Variants in FRMD4B observed in about 807,000 individuals in gnomAD.
FRMD4B encodes FERM domain-containing protein 4B.
A neutral mutation model predicts 141.5 loss-of-function variants in FRMD4B; 74 were observed. The ratio of observed to expected loss-of-function variants is 0.52; its 90% CI spans 0.43 to 0.63. The LOEUF is 0.63. Among genes scored for constraint, FRMD4B ranks in the 30% least tolerant of loss-of-function variants. The pLI is 0.00. For synonymous variants in FRMD4B, 506 were observed against 467.9 expected (o/e 1.08, Z -1.05); for missense variants, 1,366 against 1,253.4 (o/e 1.09, Z -1.36).
At chr3:69,508,605 A>C (rs984250859) in intron 1 of FRMD4B, among the ~76,000 whole-genome samples, 1 of 152,226 alleles carries the variant, frequency 6.6e-6, no homozygotes, top group Non-Finnish European at 1.5e-5. Context: ...TTGGTCATCC[A>C]CCTGCCCAGA....
At chr3:69,239,781 G>T (rs2093368773) in intron 7 of FRMD4B, among the ~76,000 whole-genome samples, 1 of 152,080 alleles carries the variant, frequency 6.6e-6, no homozygotes, top group African/African-American at 2.4e-5. Flanking sequence ...ACACGTCCAG[G>T]CGTGGTGGCT....
At chr3:69,391,716 T>C (rs1203157251) in intron 2 of FRMD4B, among the ~76,000 whole-genome samples, 2 of 152,292 alleles carry the variant, frequency 1.3e-5, no homozygotes, top group African/African-American at 4.8e-5. Context: ...TCAGCTCACT[T>C]TTCTCTATTA....
At chr3:69,363,159 G>A (rs780029360) in intron 1 of FRMD4B, among the ~76,000 whole-genome samples, 3 of 150,676 alleles carry the variant, frequency 2.0e-5, no homozygotes, top group Admixed American at 6.6e-5. Context: ...TTCTTCTTAC[G>A]TAACATTCCC....
chr3:69,492,047 G>C (rs1438181659), intron 1 of FRMD4B, among the ~76,000 whole-genome samples: 2 of 152,168 alleles, frequency 1.3e-5, no homozygotes, highest in African/African-American at 4.8e-5. Flanking sequence ...CTTATCATAG[G>C]CTCTAGTCTT....
At chr3:69,483,883 A>T (rs1706170682) in intron 1 of FRMD4B, among the ~76,000 whole-genome samples, 1 of 152,204 alleles carries the variant, frequency 6.6e-6, no homozygotes, top group Non-Finnish European at 1.5e-5. Context: ...ACATTCAACA[A>T]ATAAATAATG....
At position 69,253,257 on chromosome 3, in the gene FRMD4B, C is replaced by T. The variant is rs192022135; in HGVS notation, c.502-3158G>A. Among the ~76,000 whole-genome samples the T allele has an allele frequency of 2.6e-4, 38 of 148,694 alleles. No homozygotes were observed. In the East Asian group the frequency reaches 7.3e-3, roughly 29 times the overall value. On this transcript the variant is annotated intron_variant, in intron 5 of 22. Coordinates refer to ENST00000398540, the MANE Select transcript of FRMD4B (RefSeq NM_015123.3). Reference sequence around the variant, plus strand: ...GGAAGATGAAGTGTAATGTCCAATCCCCTTGAACATGGCAACTCTGGACTC... The same window carrying T: ...GGAAGATGAAGTGTAATGTCCAATCTCCTTGAACATGGCAACTCTGGACTC...
intron 2 of FRMD4B, among the ~76,000 whole-genome samples, chr3:69,407,328 C>G (rs751321552): frequency 6.6e-6 from 1 of 152,034 alleles, no homozygotes. Flanking sequence ...TAAAGGCGAG[C>G]GTTAGATGGG....
chr3:69,336,902 C>T (rs543834395), intron 1 of FRMD4B, among the ~76,000 whole-genome samples: 4 of 152,260 alleles, frequency 2.6e-5, no homozygotes, highest in East Asian at 3.9e-4. Context: ...CAAGATCATG[C>T]CACTACACTC....
intron 5 of FRMD4B, among the ~76,000 whole-genome samples, chr3:69,267,330 C>T (rs1336579216): frequency 6.6e-6 from 1 of 151,900 alleles, no homozygotes; most frequent in Non-Finnish European, 1.5e-5. Flanking sequence ...AGAGTTATAC[C>T]CACTAAATGC....
chr3:69,197,078 G>A (rs754482939), intron 12 of FRMD4B, 40 bp from the exon 13 acceptor site: 4 of 1,571,764 alleles, frequency 2.5e-6, no homozygotes, highest in Non-Finnish European at 3.5e-6. Context: ...TTCCCCTCTG[G>A]CCCAGCATGA....
At chr3:69,292,402 T>C (rs912820337) in intron 4 of FRMD4B, among the ~76,000 whole-genome samples, 1 of 152,224 alleles carries the variant, frequency 6.6e-6, no homozygotes, top group African/African-American at 2.4e-5. Context: ...CGCATACAGG[T>C]TGCTGGGTAG....
At chr3:69,205,924 T>C (rs1454601657) in intron 11 of FRMD4B, among the ~76,000 whole-genome samples, 1 of 152,240 alleles carries the variant, frequency 6.6e-6, no homozygotes, top group Non-Finnish European at 1.5e-5. Flanking sequence ...ATGCAAATGC[T>C]ACCCACTAGA....
chr3:69,477,041 T>C (rs1706014312), intron 1 of FRMD4B, among the ~76,000 whole-genome samples: 2 of 152,216 alleles, frequency 1.3e-5, no homozygotes, highest in African/African-American at 2.4e-5. Context: ...TTGTGATTTT[T>C]GTACATTGAT....
At chr3:69,472,159 G>C (rs1476813505) in intron 1 of FRMD4B, 1 of 244,312 alleles carries the variant, frequency 4.1e-6, no homozygotes, top group Non-Finnish European at 8.8e-6. Flanking sequence ...AATTTCTAGA[G>C]TAACTTCACT....
intron 7 of FRMD4B, among the ~76,000 whole-genome samples, chr3:69,229,028 T>TTG (rs1553705711): frequency 4.0e-5 from 6 of 149,700 alleles, no homozygotes; most frequent in East Asian, 2.0e-4. Flanking sequence ...TTTTTTTTTT[T>TTG]TTTTGTTTTG....
In FRMD4B at chr3:69,409,339, A is replaced by G. The variant is rs193137563; in HGVS notation, c.-1+23295T>C. On this transcript the variant is annotated intron_variant, in intron 2 of 5. Transcript: ENST00000459638. ...TCCAACAAGAATTCATTTCAATTGGAAACTCATACAACCAGGAGATTCCTA... is the reference window on the plus strand; with the variant it reads ...TCCAACAAGAATTCATTTCAATTGGGAACTCATACAACCAGGAGATTCCTA... Among the ~76,000 whole-genome samples, 11 of 152,336 alleles carry G rather than the reference A, an allele frequency of 7.2e-5. No homozygotes were observed. In the East Asian group the frequency reaches 1.9e-3, roughly 27 times the overall value.
chr3:69,512,020 T>C (rs1706697886), intron 1 of FRMD4B, among the ~76,000 whole-genome samples: 1 of 152,112 alleles, frequency 6.6e-6, no homozygotes, highest in Non-Finnish European at 1.5e-5. Flanking sequence ...ACATTCCACA[T>C]ACAGAAATTA....
intron 1 of FRMD4B, among the ~76,000 whole-genome samples, chr3:69,502,979 A>T (rs1223181369): frequency 1.3e-5 from 2 of 152,212 alleles, no homozygotes; most frequent in South Asian, 2.1e-4. Context: ...TCAAAACCAC[A>T]ATGAGACAGC....
chr3:69,386,089 G>A, upstream of FRMD4B: 2 of 1,100,928 alleles, frequency 1.8e-6, no homozygotes, highest in South Asian at 1.9e-5. Context: ...GGCTTCTGCT[G>A]GCAGCCGGGG....
Sources: allele counts gnomAD v4.1 joint callset (sites outside exome capture counted in the v4.1 genomes callset), GRCh38; gene constraint gnomAD v4.1.1; transcripts MANE v1.5; gene names NCBI Gene and HGNC (gene_info 2026-07-23, HGNC 2026-07-21).